Variants in TMTC2 observed in about 807,000 individuals in gnomAD.
TMTC2 encodes the protein transmembrane O-mannosyltransferase targeting cadherins 2, also known as protein O-mannosyl-transferase TMTC2.
A neutral mutation model predicts 82.4 loss-of-function variants in TMTC2; 43 were observed. That is an observed-to-expected ratio of 0.52 (90% confidence interval 0.41 to 0.67). The LOEUF is 0.67. TMTC2 is among the 30% of genes least tolerant of loss of function. TMTC2 has a pLI of 0.00. For synonymous variants in TMTC2, 408 were observed against 381.9 expected (o/e 1.07, Z -0.80); for missense variants, 919 against 1,012.4 (o/e 0.91, Z 1.25).
intron 2 of TMTC2, among the ~76,000 whole-genome samples, chr12:82,879,006 T>C (rs1355712595): frequency 6.6e-6 from 1 of 152,190 alleles, no homozygotes; most frequent in Non-Finnish European, 1.5e-5. Context: ...TTCCAACACA[T>C]ATAGACATCA....
chr12:83,018,024 G>GTATATA (rs34572060), intron 8 of TMTC2, among the ~76,000 whole-genome samples: 1 of 142,638 alleles, frequency 7.0e-6, no homozygotes, highest in South Asian at 2.2e-4. Context: ...TATATATATA[G>GTATATA]TATATATATA....
chr12:83,131,240 A>G (rs1282094489), intron 11 of TMTC2, among the ~76,000 whole-genome samples: 7 of 152,248 alleles, frequency 4.6e-5, no homozygotes, highest in Admixed American at 6.5e-5. Context: ...TCTGTTAGCC[A>G]GAATGTTCCA....
At chr12:83,069,004 C>T (rs1357641210) in intron 11 of TMTC2, among the ~76,000 whole-genome samples, 2 of 152,074 alleles carry the variant, frequency 1.3e-5, no homozygotes, top group African/African-American at 2.4e-5. Flanking sequence ...TAATAGTCTC[C>T]AGTCTCATCC....
At chr12:82,899,162 A>G (rs1329685365) in intron 3 of TMTC2, among the ~76,000 whole-genome samples, 1 of 152,150 alleles carries the variant, frequency 6.6e-6, no homozygotes, top group Non-Finnish European at 1.5e-5. Context: ...TTAGCTAAAT[A>G]AATGTACAGC....
chr12:82,857,217 A>G lies in TMTC2; in HGVS notation c.291A>G (p.Ala97=). 1 of 1,614,164 alleles carries G rather than the reference A, an allele frequency of 6.2e-7. No individual in the cohort carries two copies. Residue 97 remains alanine, a synonymous_variant, in exon 2 of 12, where the codon GCA becomes GCG. Coordinates refer to ENST00000321196, the MANE Select transcript of TMTC2 (RefSeq NM_152588.3). ...TTGTCAATGTCCTGTTGCATGCAGC[A>G]GTCACTGGTCTCTTCACAAGCTTCT... The part of the protein sequence containing the change: ...YHLVNVLLHA[A]VTGLFTSFSK...
intron 1 of TMTC2, among the ~76,000 whole-genome samples, chr12:82,768,256 C>T (rs1877086767): frequency 6.6e-6 from 1 of 152,238 alleles, no homozygotes; most frequent in African/African-American, 2.4e-5. Context: ...GCAGTTGCAT[C>T]TGTAGTGCCA....
At chr12:83,012,532 C>A (rs766998013) in intron 8 of TMTC2, among the ~76,000 whole-genome samples, 2 of 152,000 alleles carry the variant, frequency 1.3e-5, no homozygotes, top group Non-Finnish European at 2.9e-5. Context: ...AAAATAATTT[C>A]TTTATTATCT....
intron 1 of TMTC2, among the ~76,000 whole-genome samples, chr12:82,842,345 A>G (rs924659057): frequency 4.6e-5 from 7 of 152,150 alleles, no homozygotes; most frequent in Non-Finnish European, 8.8e-5. Context: ...TATTGGCCCC[A>G]TTGAGTGATT....
At chr12:83,127,871 C>T (rs1885143175) in intron 11 of TMTC2, among the ~76,000 whole-genome samples, 1 of 151,992 alleles carries the variant, frequency 6.6e-6, no homozygotes, top group Non-Finnish European at 1.5e-5. Flanking sequence ...AGCCAAAGAC[C>T]ACAGTAAAAT....
At chr12:82,805,897 G>C (rs1216764419) in intron 1 of TMTC2, among the ~76,000 whole-genome samples, 1 of 152,046 alleles carries the variant, frequency 6.6e-6, no homozygotes. Flanking sequence ...AACTCACCAA[G>C]TCTTTATTGA....
intron 1 of TMTC2, among the ~76,000 whole-genome samples, chr12:82,695,309 TTC>T (rs1352956983): frequency 1.3e-5 from 2 of 152,242 alleles, no homozygotes; most frequent in Non-Finnish European, 2.9e-5. Flanking sequence ...TCTTATGAAA[TTC>T]TGTTTCCTTT....
At chr12:82,977,207 A>C (rs777740349) in intron 7 of TMTC2, among the ~76,000 whole-genome samples, 6 of 152,122 alleles carry the variant, frequency 3.9e-5, no homozygotes, top group Non-Finnish European at 7.4e-5. Flanking sequence ...TTATTTATAG[A>C]TTTTAATTTA....
chr12:83,058,252 G>T (rs929909604), intron 10 of TMTC2, among the ~76,000 whole-genome samples: 16 of 151,780 alleles, frequency 1.1e-4, no homozygotes, highest in Non-Finnish European at 1.9e-4. Context: ...TTTTGTTATT[G>T]TCTGTTTGCT....
Position 82,856,985 on chromosome 12 carries a change from T to G in TMTC2, c.84-25T>G, listed in dbSNP as rs755300665. On this transcript the variant is annotated intron_variant, in intron 1 of 11. Coordinates refer to ENST00000321196, the MANE Select transcript of TMTC2 (RefSeq NM_152588.3). ...CTTTCTTTCTGTGTTTTACATTTGA[T>G]TTTTTTTAACGTTTTGTTTTTTAGC... The G allele has an allele frequency of 1.6e-4, 252 of 1,572,100 alleles. No individual in the cohort carries two copies. Among genetic ancestry groups the G allele is most frequent in the Non-Finnish European group, 2.1e-4 (240 of 1,159,314 alleles).
intron 1 of TMTC2, among the ~76,000 whole-genome samples, chr12:82,726,319 A>C (rs1874442082): frequency 6.6e-6 from 1 of 152,206 alleles, no homozygotes; most frequent in African/African-American, 2.4e-5. Context: ...AGGGTACATC[A>C]TAGATGACTT....
chr12:83,117,344 T>C (rs188521393), intron 11 of TMTC2, among the ~76,000 whole-genome samples: 43 of 152,326 alleles, frequency 2.8e-4, no homozygotes, highest in Admixed American at 1.9e-3. Context: ...CTGATATCCC[T>C]GAGGAACATA....
At chr12:83,112,145 C>A (rs1029775528) in intron 11 of TMTC2, among the ~76,000 whole-genome samples, 1 of 152,140 alleles carries the variant, frequency 6.6e-6, no homozygotes, top group Non-Finnish European at 1.5e-5. Flanking sequence ...TTAAAATTTT[C>A]ATCTTACTTG....
Position 83,103,967 on chromosome 12 carries a change from A to C in TMTC2, c.2332-28243A>C, listed in dbSNP as rs191873742. 8.0e-4 allele frequency among the ~76,000 whole-genome samples: 122 copies of C among 152,350 alleles called. 1 individual carries two copies. The highest frequency in any genetic ancestry group is 2.2e-3 in the Admixed American group (34 of 15,304). On this transcript the variant is annotated intron_variant, in intron 11 of 11. Transcript: ENST00000321196. ...TTGCGTAAACATTCCCATTCCAAAA[A>C]AAGAGAACTCAGTCAAATGAAAGGG...
At chr12:82,963,831 AT>A (rs1878058100) in intron 4 of TMTC2, among the ~76,000 whole-genome samples, 3 of 97,158 alleles carry the variant, frequency 3.1e-5, no homozygotes, top group Non-Finnish European at 5.7e-5. Context: ...ATATATATAT[AT>A]ATATATATAT....
Sources: allele counts gnomAD v4.1 joint callset (sites outside exome capture counted in the v4.1 genomes callset), GRCh38; gene constraint gnomAD v4.1.1; transcripts MANE v1.5; gene names NCBI Gene and HGNC (gene_info 2026-07-23, HGNC 2026-07-21).